MYO5A: variants seen among roughly 807,000 people sequenced by gnomAD.
MYO5A encodes the protein myosin VA, also known as unconventional myosin-Va.
In MYO5A, 98 loss-of-function variants were observed where a neutral mutation model predicts 249.7. The observed-to-expected ratio is 0.39, with a 90% confidence interval of 0.33 to 0.46. The LOEUF is 0.46. Ranked by LOEUF, MYO5A falls within the 20% of genes least tolerant of loss-of-function variation. The pLI is 0.98. For missense variants in MYO5A, 1,696 were observed against 2,308.8 expected, an observed-to-expected ratio of 0.73 and a Z score of 5.44; for synonymous variants, 778 against 810.6, an observed-to-expected ratio of 0.96 and a Z score of 0.68.
intron 1 of MYO5A, among the ~76,000 whole-genome samples, chr15:52,521,010 ACATGGT>A (rs1164965300): frequency 6.6e-6 from 1 of 152,136 alleles, no homozygotes; most frequent in African/African-American, 2.4e-5. Context: ...CAGGCGTATC[ACATGGT>A]CAGGAGTTCG....
intron 2 of MYO5A, among the ~76,000 whole-genome samples, chr15:52,431,252 G>C (rs889386740): frequency 4.8e-4 from 7 of 14,524 alleles, no homozygotes; most frequent in Admixed American, 4.3e-3. Flanking sequence ...AAAAAGTCTA[G>C]TGCAGTAGCT....
intron 1 of MYO5A, among the ~76,000 whole-genome samples, chr15:52,519,610 T>TAAA (rs757346309): frequency 0.047 from 2,678 of 56,864 alleles, 91 homozygotes; most frequent in African/African-American, 0.11. Context: ...AGACCTTGTC[T>TAAA]AAAAAAAATA....
At chr15:52,447,247 C>T (rs1036646275) in intron 1 of MYO5A, among the ~76,000 whole-genome samples, 12 of 152,018 alleles carry the variant, frequency 7.9e-5, no homozygotes, top group Admixed American at 1.3e-4. Flanking sequence ...AGTGAGTTCT[C>T]GCAAGATCGT....
chr15:52,382,950 G>T, intron 16 of MYO5A, 141 bp downstream of exon 16: 1 of 730,520 alleles, frequency 1.4e-6, no homozygotes, highest in Non-Finnish European at 2.5e-6. Flanking sequence ...ACTGACTAGT[G>T]GTTTCCCTCT....
chr15:52,448,133 G>A (rs2075933322), intron 1 of MYO5A, among the ~76,000 whole-genome samples: 1 of 152,248 alleles, frequency 6.6e-6, no homozygotes, highest in Non-Finnish European at 1.5e-5. Flanking sequence ...GCCCCTGAGA[G>A]CAGCTGTGGG....
intron 1 of MYO5A, among the ~76,000 whole-genome samples, chr15:52,490,100 C>T (rs1032899127): frequency 3.3e-5 from 5 of 152,248 alleles, no homozygotes; most frequent in Middle Eastern, 3.4e-3. Flanking sequence ...GAAATTAGAA[C>T]GATTGTGCCC....
chr15:52,479,267 T>G (rs147008800), intron 1 of MYO5A, among the ~76,000 whole-genome samples: 1 of 152,256 alleles, frequency 6.6e-6, no homozygotes, highest in African/African-American at 2.4e-5. Flanking sequence ...AGTGAGCCAC[T>G]GCGCCCAGCC....
At chr15:52,450,856 T>TG (rs1567138445) in intron 1 of MYO5A, among the ~76,000 whole-genome samples, 1 of 146,688 alleles carries the variant, frequency 6.8e-6, no homozygotes, top group Non-Finnish European at 1.5e-5. Flanking sequence ...TTTTTTTTTT[T>TG]TTTTTTTTTG....
chr15:52,374,500 G>C (rs1250921005), intron 20 of MYO5A, among the ~76,000 whole-genome samples: 2 of 152,252 alleles, frequency 1.3e-5, no homozygotes, highest in Non-Finnish European at 2.9e-5. Flanking sequence ...GATGTGATTA[G>C]GTTAAGGGTC....
intron 1 of MYO5A, among the ~76,000 whole-genome samples, chr15:52,448,681 G>A (rs1001264127): frequency 4.6e-5 from 7 of 152,040 alleles, no homozygotes; most frequent in Non-Finnish European, 1.0e-4. Flanking sequence ...ACTGGATCAC[G>A]GGGGAGGATT....
intron 1 of MYO5A, among the ~76,000 whole-genome samples, chr15:52,520,339 G>A (rs1388129933): frequency 1.3e-5 from 2 of 152,108 alleles, no homozygotes; most frequent in Non-Finnish European, 2.9e-5. Context: ...GACCACTCAT[G>A]GTGCTCCTCA....
chr15:52,363,065 A>G (rs2040616100), intron 24 of MYO5A, among the ~76,000 whole-genome samples: 1 of 152,230 alleles, frequency 6.6e-6, no homozygotes, highest in Non-Finnish European at 1.5e-5. Flanking sequence ...AACATCCCAA[A>G]TAACTAGGGG....
chr15:52,416,021 G>T, intron 5 of MYO5A, 124 bp downstream of exon 5: 1 of 1,155,666 alleles, frequency 8.7e-7, no homozygotes, highest in Non-Finnish European at 1.2e-6. Context: ...ATGTAGAAAA[G>T]CATTTTCTTA....
chr15:52,321,104 A>C (rs1478063611), intron 38 of MYO5A, among the ~76,000 whole-genome samples: 3 of 152,232 alleles, frequency 2.0e-5, no homozygotes, highest in Non-Finnish European at 4.4e-5. Flanking sequence ...AATGCATTCA[A>C]CTGAATTTAA....
intron 2 of MYO5A, among the ~76,000 whole-genome samples, chr15:52,430,753 T>C (rs896320524): frequency 6.6e-6 from 1 of 152,180 alleles, no homozygotes; most frequent in African/African-American, 2.4e-5. Flanking sequence ...CTGCTTCTTA[T>C]AATAGGGTAT....
chr15:52,384,599 AG>A (rs1234871745), intron 14 of MYO5A, among the ~76,000 whole-genome samples: 1 of 152,246 alleles, frequency 6.6e-6, no homozygotes, highest in East Asian at 1.9e-4. Flanking sequence ...CCTAATCCAC[AG>A]GAAGTGACAA....
chr15:52,378,312 G>A (rs1377784770), intron 18 of MYO5A, among the ~76,000 whole-genome samples: 2 of 151,804 alleles, frequency 1.3e-5, no homozygotes, highest in Non-Finnish European at 2.9e-5. Context: ...CACGAGGTCA[G>A]GAGTTCAAGA....
chr15:52,350,784 A>G (rs764107032), intron 28 of MYO5A, among the ~76,000 whole-genome samples: 2 of 152,162 alleles, frequency 1.3e-5, no homozygotes, highest in Non-Finnish European at 2.9e-5. Context: ...TACTAAACAG[A>G]ACTGCCTAAA....
intron 4 of MYO5A, among the ~76,000 whole-genome samples, chr15:52,421,445 C>T (rs1275590274): frequency 6.6e-6 from 1 of 152,152 alleles, no homozygotes; most frequent in African/African-American, 2.4e-5. Context: ...TAGTATTTTT[C>T]GAAGTGTTTT....
Sources: gnomAD v4.1 joint callset for allele counts (sites outside exome capture counted in the v4.1 genomes callset) on GRCh38, gnomAD v4.1.1 for gene constraint, MANE v1.5 for transcripts, NCBI Gene and HGNC (gene_info 2026-07-23, HGNC 2026-07-21) for gene names.